Variants in SLC9B1 observed in about 807,000 individuals in gnomAD.
SLC9B1 encodes the protein solute carrier family 9 member B1.
A neutral mutation model predicts 51.7 loss-of-function variants in SLC9B1; 32 were observed. The observed-to-expected ratio is 0.62, with a 90% confidence interval of 0.47 to 0.83. The LOEUF (loss-of-function observed/expected upper bound fraction) is 0.83, where lower values mean the gene tolerates loss of function less well. SLC9B1 is among the 40% of genes least tolerant of loss of function. The probability of loss-of-function intolerance (pLI) is 0.00; values close to 1 mark genes in which losing one functional copy is unlikely to be tolerated. For missense variants in SLC9B1, 406 were observed against 613.2 expected (o/e 0.66, Z 3.57); for synonymous variants, 145 against 212.7 (o/e 0.68, Z 2.77).
chr4:102,954,354 T>A (rs1403856893), intron 3 of SLC9B1, among the ~76,000 whole-genome samples: 1 of 78,120 alleles, frequency 1.3e-5, no homozygotes, highest in Non-Finnish European at 2.3e-5. Flanking sequence ...CTTTTTGATG[T>A]GCTGCTGGAT....
At chr4:102,948,325 T>TAC (rs375091561) in intron 4 of SLC9B1, among the ~76,000 whole-genome samples, 32,534 of 127,290 alleles carry the variant, frequency 0.26, 4,035 homozygotes, top group East Asian at 0.35. Context: ...GGCAAAGCCA[T>TAC]ACACACACAC....
Position 102,901,654 on chromosome 4 carries a change from G to C in SLC9B1, c.1333-322C>G, listed in dbSNP as rs147655993. 8.5e-5 allele frequency among the ~76,000 whole-genome samples: 13 copies of C among 152,252 alleles called. No individual in the cohort carries two copies. In the East Asian group the frequency reaches 2.3e-3, roughly 27 times the overall value. Reference sequence around the variant, plus strand: ...AACACCAGGAGTTCTAACGAAACCAGTTTTGCTTAGTTGCCTTTACCGTGT... The same window carrying C: ...AACACCAGGAGTTCTAACGAAACCACTTTTGCTTAGTTGCCTTTACCGTGT... On this transcript the variant is annotated intron_variant, in intron 11 of 11. Coordinates refer to ENST00000296422, the MANE Select transcript of SLC9B1 (RefSeq NM_139173.4).
At chr4:102,918,519 T>C (rs1204759385) in intron 7 of SLC9B1, among the ~76,000 whole-genome samples, 1 of 152,224 alleles carries the variant, frequency 6.6e-6, no homozygotes, top group Non-Finnish European at 1.5e-5. Context: ...TTTGCTATGG[T>C]CCAAATGTTT....
chr4:102,949,324 G>A lies in SLC9B1; in HGVS notation c.315C>T (p.Ala105=). ...GTTGTAAAATTTTTCCCCCAATAAT[G>A]GCACTATAAAAAATAATGAACAACC... is the stretch of plus-strand genomic sequence containing the variant. The part of the protein sequence containing the change: ...LFGLFIIFYS[A]IIGGKILQLI... The change falls in exon 4 of 12, where the codon GCC becomes GCT. Residue 105 remains alanine (A), a synonymous_variant. Transcript: ENST00000296422. The A allele has an allele frequency of 6.2e-7, 1 of 1,609,572 alleles. No homozygotes were observed. Among genetic ancestry groups the A allele is most frequent in the Non-Finnish European group, 8.5e-7 (1 of 1,178,776 alleles).
chr4:102,947,650 G>A (rs1413330635), intron 4 of SLC9B1, among the ~76,000 whole-genome samples: 1 of 152,192 alleles, frequency 6.6e-6, no homozygotes, highest in African/African-American at 2.4e-5. Context: ...ACCGTGCCTG[G>A]CCCACTGTAC....
At chr4:102,922,187 A>G (rs1395214475) in intron 7 of SLC9B1, among the ~76,000 whole-genome samples, 2 of 152,254 alleles carry the variant, frequency 1.3e-5, no homozygotes, top group Non-Finnish European at 2.9e-5. Context: ...CAAATGTAAA[A>G]GAACAGAAAT....
chr4:102,942,311 G>C (rs761581496), intron 6 of SLC9B1, among the ~76,000 whole-genome samples: 7 of 151,974 alleles, frequency 4.6e-5, no homozygotes, highest in Non-Finnish European at 5.9e-5. Flanking sequence ...ATTCTTCCCT[G>C]AACTAGAAAA....
intron 6 of SLC9B1, among the ~76,000 whole-genome samples, chr4:102,932,788 G>A (rs565396231): frequency 6.6e-6 from 1 of 152,304 alleles, no homozygotes; most frequent in African/African-American, 2.4e-5. Context: ...AGAGACCTCT[G>A]GGGAAACCAA....
At chr4:102,998,228 G>A (rs934981262) in intron 1 of SLC9B1, among the ~76,000 whole-genome samples, 1 of 152,068 alleles carries the variant, frequency 6.6e-6, no homozygotes, top group African/African-American at 2.4e-5. Flanking sequence ...CTCTATGAAT[G>A]TGAATATTCT....
chr4:103,011,498 G>A (rs1340470146), intron 1 of SLC9B1, among the ~76,000 whole-genome samples: 1 of 152,192 alleles, frequency 6.6e-6, no homozygotes, highest in Non-Finnish European at 1.5e-5. Flanking sequence ...ACTAGGCATT[G>A]CTCTTATGGG....
rs17009195 is a variant in SLC9B1, at chr4:102,911,770, T to G, written c.830-233A>C. On this transcript the variant is annotated intron_variant, in intron 7 of 11. Transcript: ENST00000296422. ...ACACACAACTCAGAAATGTCCATTATGTAAATAGGCCAGAAAACAAAGACT... is the reference window on the plus strand; with the variant it reads ...ACACACAACTCAGAAATGTCCATTAGGTAAATAGGCCAGAAAACAAAGACT... 1.3e-3 allele frequency among the ~76,000 whole-genome samples: 198 copies of G among 152,244 alleles called. 1 individual carries two copies. The highest frequency in any genetic ancestry group is 4.7e-3 in the African/African-American group (195 of 41,546).
chr4:102,994,006 C>G (rs1410467781), intron 1 of SLC9B1, among the ~76,000 whole-genome samples: 1 of 152,130 alleles, frequency 6.6e-6, no homozygotes, highest in Non-Finnish European at 1.5e-5. Context: ...GGTCTCCAGG[C>G]CTGTGATGGG....
chr4:102,948,624 T>C (rs1287102317), intron 4 of SLC9B1, among the ~76,000 whole-genome samples: 3 of 152,192 alleles, frequency 2.0e-5, no homozygotes, highest in Non-Finnish European at 4.4e-5. Context: ...CATGGAATGC[T>C]ATGCATTCAT....
intron 4 of SLC9B1, among the ~76,000 whole-genome samples, chr4:102,947,564 G>T (rs957873177): frequency 8.5e-5 from 13 of 152,182 alleles, no homozygotes; most frequent in African/African-American, 2.4e-4. Flanking sequence ...TATTGCCCAG[G>T]CTGGTTTTGA....
At chr4:103,002,391 G>C (rs540339998) in intron 1 of SLC9B1, among the ~76,000 whole-genome samples, 3 of 152,276 alleles carry the variant, frequency 2.0e-5, no homozygotes, top group African/African-American at 7.2e-5. Flanking sequence ...CAAGTATTCT[G>C]TGCAAGACAC....
chr4:102,897,453 T>C (rs1338556443), downstream of SLC9B1: 2 of 181,366 alleles, frequency 1.1e-5, no homozygotes, highest in Non-Finnish European at 2.3e-5. Flanking sequence ...AGAAGAGCAA[T>C]GAAGAGCACC....
At chr4:102,975,584 A>T (rs867628658) in intron 3 of SLC9B1, among the ~76,000 whole-genome samples, 1,700 of 79,856 alleles carry the variant, frequency 0.021, 57 homozygotes, top group African/African-American at 0.063. Context: ...ATATATATAT[A>T]TATTTTTTTT....
rs1383182283 is a variant in SLC9B1, at chr4:102,925,065, A to G, written c.829+7059T>C. On this transcript the variant is annotated intron_variant, in intron 7 of 11. Coordinates refer to ENST00000296422, the MANE Select transcript of SLC9B1 (RefSeq NM_139173.4). ...CCATCCCATTACTGGTCATATACCC[A>G]AAGGATTATGAATCATGCTGCTATA... Among the ~76,000 whole-genome samples the G allele has an allele frequency of 1.1e-4, 17 of 152,224 alleles. 1 individual carries two copies. The highest frequency in any genetic ancestry group is 1.1e-3 in the Admixed American group (17 of 15,280).
intron 3 of SLC9B1, among the ~76,000 whole-genome samples, chr4:102,976,020 T>C (rs1739051751): frequency 6.6e-6 from 1 of 151,608 alleles, no homozygotes. Context: ...AAAAGAAGAA[T>C]GGAATATGGA....
Sources: allele counts gnomAD v4.1 joint callset (sites outside exome capture counted in the v4.1 genomes callset), GRCh38; gene constraint gnomAD v4.1.1; transcripts MANE v1.5; gene names NCBI Gene and HGNC (gene_info 2026-07-23, HGNC 2026-07-21).